BIVM: variants seen among roughly 807,000 people sequenced by gnomAD.
BIVM encodes basic, immunoglobulin-like variable motif containing.
BIVM carries 31 observed loss-of-function variants against 61.4 expected under a neutral mutation model. The observed-to-expected ratio is 0.51, with a 90% CI of 0.38 to 0.68. BIVM has a LOEUF of 0.68. BIVM is among the 30% of genes least tolerant of loss of function. BIVM has a pLI of 0.00. For synonymous variants in BIVM, 189 were observed against 210.7 expected (o/e 0.90, Z 0.89); for missense variants, 526 against 596.0 (o/e 0.88, Z 1.22).
In BIVM at chr13:102,816,446, T is replaced by G; in HGVS notation, c.497T>G (p.Val166Gly). The G allele has an allele frequency of 6.3e-7, 1 of 1,582,466 alleles. No individual in the cohort carries two copies. The highest frequency in any genetic ancestry group is 1.2e-5 in the South Asian group (1 of 85,124). ...KHKSGNAKKQVSKRKTSDKKG... is the reference protein window; with the variant it reads ...KHKSGNAKKQGSKRKTSDKKG... ...ATTCTAGGCAATGCAAAGAAACAAG[T>G]TTCCAAGAGAAAAACTTCAGATAAA... Residue 166 changes from valine (V) to glycine (G), a missense_variant, in exon 4 of 11, where the codon GTT (valine) becomes GGT (glycine). Physicochemically the swap from Val to Gly is moderately radical, Grantham distance 109. Coordinates refer to ENST00000257336, the MANE Select transcript of BIVM (RefSeq NM_017693.4).
intron 3 of BIVM, among the ~76,000 whole-genome samples, chr13:102,813,026 T>A (rs538863036): frequency 6.6e-6 from 1 of 152,336 alleles, no homozygotes; most frequent in Admixed American, 6.5e-5. Context: ...TGCTATGTGC[T>A]GAAATTGACC....
At chr13:102,804,973 G>A (rs1276669811) in intron 1 of BIVM, among the ~76,000 whole-genome samples, 1 of 152,164 alleles carries the variant, frequency 6.6e-6, no homozygotes, top group African/African-American at 2.4e-5. Context: ...TAACTCATAG[G>A]CTTTCGTTGT....
At position 102,822,105 on chromosome 13, in the gene BIVM, T is replaced by C. The variant is rs762938336; in HGVS notation, c.847T>C (p.Cys283Arg). 4.3e-6 allele frequency: 7 copies of C among 1,614,034 alleles called. No individual in the cohort carries two copies. In the South Asian group the frequency reaches 6.6e-5, roughly 15 times the overall value. ...TAATGACCACTTCCATGTAAAAGGA[T>C]GCTCTTATGTTCTATATAAGCCTCA... Reference protein sequence around the residue: ...QINDHFHVKGCSYVLYKPHGK... With the variant: ...QINDHFHVKGRSYVLYKPHGK... The change falls in exon 7 of 11, where the codon TGC becomes CGC. Residue 283 changes from cysteine to arginine, a missense_variant. This residue lies in a region of BIVM where 312 missense variants were observed against 343.8 expected (regional missense o/e 0.91). Transcript: ENST00000257336.
At chr13:102,810,366 A>G (rs190853644) in intron 3 of BIVM, among the ~76,000 whole-genome samples, 1 of 152,342 alleles carries the variant, frequency 6.6e-6, no homozygotes, top group East Asian at 1.9e-4. Context: ...GACAGCATAT[A>G]GTTAGCTAAT....
At chr13:102,837,885 T>C (rs1185367278) in intron 9 of BIVM, among the ~76,000 whole-genome samples, 4 of 152,156 alleles carry the variant, frequency 2.6e-5, no homozygotes, top group Admixed American at 6.5e-5. Context: ...ATAATGGACT[T>C]TGGGGACTCC....
chr13:102,799,305 C>A lies in BIVM; in HGVS notation c.-423C>A, dbSNP rs974356604. ...CCCTGCCCTCCGCACGTGGAGAGGG[C>A]AGGCATAAAGCACCTTGAAAGGAAG... On this transcript the variant is annotated 5_prime_UTR_variant, in exon 1 of 11. Transcript: ENST00000257336. The A allele has an allele frequency of 5.0e-6, 1 of 201,810 alleles. No homozygotes were observed. The highest frequency in any genetic ancestry group is 9.9e-6 in the Non-Finnish European group (1 of 101,222). 12.5% of individuals were successfully genotyped at this position (201,810 alleles called of 1,614,324 possible).
chr13:102,821,225 A>C, intron 5 of BIVM, 93 bp downstream of exon 5: 1 of 1,122,730 alleles, frequency 8.9e-7, no homozygotes, highest in Non-Finnish European at 1.3e-6. Context: ...TAGATTTTTT[A>C]TAAATTTAAC....
At chr13:102,814,834 A>G (rs61966025) in intron 3 of BIVM, among the ~76,000 whole-genome samples, 1,532 of 152,302 alleles carry the variant, frequency 0.01, 12 homozygotes, top group Non-Finnish European at 0.016. Context: ...GCTTGAGCTC[A>G]GGAGTTTGAG....
In BIVM at chr13:102,807,980, G is replaced by A. The variant is rs1415271242; in HGVS notation, c.478+235G>A. ...AAGCTTTGTATCAAATATTTTGAGA[G>A]ATTTGAAAATCTAATAATGTAAAAT... is the stretch of plus-strand genomic sequence containing the variant. On this transcript the variant is annotated intron_variant, in intron 3 of 10. Transcript: ENST00000257336. The surrounding 1 kb of genome is among the most constrained non-coding windows in gnomAD (Gnocchi z 4.0). Among the ~76,000 whole-genome samples, 1 of 152,162 alleles carries A rather than the reference G, an allele frequency of 6.6e-6. No homozygotes were observed. Among genetic ancestry groups the A allele is most frequent in the African/African-American group, 2.4e-5 (1 of 41,430 alleles).
Position 102,840,810 on chromosome 13 carries a change from G to A in BIVM, c.*945G>A, listed in dbSNP as rs1881759012. 1 of 151,828 alleles carries A rather than the reference G, an allele frequency of 6.6e-6. No individual in the cohort carries two copies. The highest frequency in any genetic ancestry group is 1.5e-5 in the Non-Finnish European group (1 of 67,986). The allele number at this position is 151,828 out of a possible 1,614,324, so 9.4% of individuals were successfully genotyped here. ...TAATCAAATATTGACAAGAACCTTA[G>A]GTCTCGAAAGACTTTTATAAGTCTA... On this transcript the variant is annotated 3_prime_UTR_variant, in exon 11 of 11. Transcript: ENST00000257336.
At chr13:102,834,353 G>A in intron 8 of BIVM, 113 bp from the exon 9 acceptor site, 1 of 1,035,362 alleles carries the variant, frequency 9.7e-7, no homozygotes. Flanking sequence ...TGTTCTTGAT[G>A]AATGAATGCC....
chr13:102,826,999 T>C (rs922391913), intron 7 of BIVM, among the ~76,000 whole-genome samples: 1 of 152,174 alleles, frequency 6.6e-6, no homozygotes, highest in African/African-American at 2.4e-5. Flanking sequence ...AATAAAACAC[T>C]AAAAGGGCCA....
At chr13:102,827,062 T>A (rs1880721748) in intron 7 of BIVM, among the ~76,000 whole-genome samples, 1 of 152,188 alleles carries the variant, frequency 6.6e-6, no homozygotes, top group Non-Finnish European at 1.5e-5. Flanking sequence ...AGATTTTTGA[T>A]CAACTGTCTT....
intron 2 of BIVM, among the ~76,000 whole-genome samples, chr13:102,806,267 T>C (rs951945538): frequency 2.0e-5 from 3 of 152,164 alleles, no homozygotes; most frequent in African/African-American, 7.2e-5. Context: ...TATTTTTATT[T>C]TTGATACAGT....
chr13:102,808,303 T>C (rs1307729706), intron 3 of BIVM, among the ~76,000 whole-genome samples: 1 of 152,220 alleles, frequency 6.6e-6, no homozygotes, highest in Non-Finnish European at 1.5e-5. Flanking sequence ...AGAAATACTT[T>C]ACACTTCTTT....
intron 9 of BIVM, among the ~76,000 whole-genome samples, chr13:102,838,196 A>C (rs1385646287): frequency 6.6e-6 from 1 of 152,196 alleles, no homozygotes; most frequent in Non-Finnish European, 1.5e-5. Flanking sequence ...TCCTATGTAG[A>C]CCTTGAATCT....
Position 102,807,372 on chromosome 13 carries a change from T to G in BIVM, c.105T>G (p.Ser35=). 1 of 1,614,190 alleles carries G rather than the reference T, an allele frequency of 6.2e-7. No individual in the cohort carries two copies. Among genetic ancestry groups the G allele is most frequent in the Non-Finnish European group, 8.5e-7 (1 of 1,180,038 alleles). The change falls in exon 3 of 11, where the codon TCT becomes TCG. Residue 35 remains serine (S), a synonymous_variant. Transcript: ENST00000257336. This position sits in a 1 kb window ranked among gnomAD's most constrained non-coding sequence, Gnocchi z 4.0. ...AGAATCTACAAGGTGCTGTAAAATC[T>G]TTCTGCACAAGTGCCTCAGGAGCAC... ...PEENLQGAVK[S]FCTSASGAPL... is the part of the protein sequence containing the mutation.
chr13:102,829,311 C>G (rs1282037061), intron 7 of BIVM, among the ~76,000 whole-genome samples: 1 of 152,156 alleles, frequency 6.6e-6, no homozygotes, highest in African/African-American at 2.4e-5. Flanking sequence ...AATACCTGCT[C>G]TTCTCCATGC....
chr13:102,799,759 G>A (rs967444705), intron 1 of BIVM, among the ~76,000 whole-genome samples: 2 of 152,346 alleles, frequency 1.3e-5, no homozygotes, highest in African/African-American at 4.8e-5. Flanking sequence ...CGCTCTCCCG[G>A]GAAGGAGTAG....
Sources: gnomAD v4.1 joint callset for allele counts (sites outside exome capture counted in the v4.1 genomes callset) on GRCh38, gnomAD v4.1.1 for gene constraint, gnomAD v4.1.1 regional missense constraint, Gnocchi (gnomAD v3.1) non-coding constraint, MANE v1.5 for transcripts, NCBI Gene and HGNC (gene_info 2026-07-23, HGNC 2026-07-21) for gene names.